The following GKN1 variants were observed in gnomAD, a reference collection of about 807,000 sequenced individuals.
GKN1 encodes the protein gastrokine-1.
GKN1 carries 17 observed loss-of-function variants against 19.7 expected under a neutral mutation model. The observed-to-expected ratio is 0.86, with a 90% confidence interval of 0.59 to 1.29. GKN1 has a LOEUF of 1.29. GKN1 is among the 50% of genes most tolerant of loss of function. The probability of loss-of-function intolerance (pLI) is 0.00; values close to 1 mark genes in which losing one functional copy is unlikely to be tolerated. For missense variants in GKN1, 218 were observed against 224.5 expected, an observed-to-expected ratio of 0.97 and a Z score of 0.19; for synonymous variants, 96 against 78.3, an observed-to-expected ratio of 1.23 and a Z score of -1.20.
chr2:68,977,944 A>G, intron 3 of GKN1, 170 bp downstream of exon 3: 2 of 604,490 alleles, frequency 3.3e-6, no homozygotes, highest in East Asian at 2.8e-5. Context: ...TTCCCTAGAG[A>G]TAACTACTGT....
intron 3 of GKN1, among the ~76,000 whole-genome samples, chr2:68,978,325 GAGAA>G (rs1364819262): frequency 3.7e-5 from 5 of 136,264 alleles, no homozygotes; most frequent in African/African-American, 1.2e-4. Context: ...AGAAAAAAGA[GAGAA>G]AGAGAGAAGG....
rs74800323 is a variant in GKN1, at chr2:68,977,926, C to T, written c.204+152C>T. The T allele has an allele frequency of 7.8e-3, 5,019 of 640,162 alleles. 227 individuals are homozygous for T. In the African/African-American group the frequency reaches 0.083, roughly 11 times the overall value. 39.7% of individuals were successfully genotyped at this position (640,162 alleles called of 1,614,324 possible). On this transcript the variant is annotated intron_variant, in intron 3 of 5. Transcript: ENST00000377938. The stretch of plus-strand genomic sequence containing the variant: ...AGTAAAGGTGACCATTTTGCTCATC[C>T]GATTTTGTTCCCTAGAGATAACTAC...
chr2:68,974,807 C>A (rs1188659444), intron 1 of GKN1, 118 bp downstream of exon 1: 11 of 721,680 alleles, frequency 1.5e-5, no homozygotes, highest in African/African-American at 8.8e-5. Flanking sequence ...TAAAAAAATT[C>A]TCTCTTCAAA....
chr2:68,978,752 C>T (rs1670315527), intron 3 of GKN1, 119 bp from the exon 4 acceptor site: 2 of 610,088 alleles, frequency 3.3e-6, no homozygotes, highest in East Asian at 5.7e-5. Flanking sequence ...ATCCAGTGCT[C>T]TTATCCCAGC....
chr2:68,974,799 A>G (rs1263201864), intron 1 of GKN1, 110 bp downstream of exon 1: 3 of 766,404 alleles, frequency 3.9e-6, no homozygotes, highest in Non-Finnish European at 7.0e-6. Flanking sequence ...ATTTGTTTTA[A>G]AAAAATTCTC....
chr2:68,978,317 AAAAAAGAG>A (rs1412425520), intron 3 of GKN1, among the ~76,000 whole-genome samples: 1 of 151,466 alleles, frequency 6.6e-6, no homozygotes, highest in Non-Finnish European at 1.5e-5. Context: ...AAAGAAAAAG[AAAAAAGAG>A]AGAAAGAGAG....
intron 3 of GKN1, 61 bp from the exon 4 acceptor site, chr2:68,978,810 C>A (rs13424275): frequency 1.1e-6 from 1 of 887,978 alleles, no homozygotes; most frequent in East Asian, 2.6e-5. Context: ...TGGAACTGAC[C>A]TCTGATAAGA....
At position 68,980,039 on chromosome 2, in the gene GKN1, T is replaced by C. The variant is rs1210887419; in HGVS notation, c.442T>C (p.Tyr148His). Residue 148 changes from tyrosine (Y) to histidine (H), a missense_variant, in exon 5 of 6, where the codon TAC (tyrosine) becomes CAC (histidine). By Grantham distance (83) the Tyr-to-His change is moderately conservative (BLOSUM62 2). Transcript: ENST00000377938. ...AAACATGTGTCGTGGGATTCCAACA[T>C]ACATGGCTGAGGAGATGCAAGGTGA... ...IANMCRGIPT[Y>H]MAEEMQEASL... The C allele has an allele frequency of 6.2e-7, 1 of 1,613,806 alleles. No homozygotes were observed. Among genetic ancestry groups the C allele is most frequent in the Non-Finnish European group, 8.5e-7 (1 of 1,179,876 alleles).
In GKN1 at chr2:68,978,963, A is replaced by G. The variant is rs750466985; in HGVS notation, c.297A>G (p.Ala99=). The stretch of plus-strand genomic sequence containing the variant: ...TGCCCTCCATTCAATCCCTTGATGC[A>G]CTGGTCAAGGAAAAGAAGGTAAAAA... ...EVMPSIQSLD[A]LVKEKKLQGK... is the part of the protein sequence containing the mutation. The change falls in exon 4 of 6, where the codon GCA becomes GCG. Residue 99 remains alanine, a synonymous_variant. Transcript: ENST00000377938. 6.4e-7 allele frequency: 1 copy of G among 1,574,106 alleles called. No homozygotes were observed. The highest frequency in any genetic ancestry group is 8.7e-7 in the Non-Finnish European group (1 of 1,143,878).
At chr2:68,975,341 G>A (rs1000217564) in intron 1 of GKN1, among the ~76,000 whole-genome samples, 2 of 152,130 alleles carry the variant, frequency 1.3e-5, no homozygotes, top group Non-Finnish European at 1.5e-5. Flanking sequence ...AGAAAGATTT[G>A]CCTTGGGCTC....
At chr2:68,977,381 T>G in intron 1 of GKN1, 114 bp from the exon 2 acceptor site, 1 of 766,760 alleles carries the variant, frequency 1.3e-6, no homozygotes, top group South Asian at 1.5e-5. Flanking sequence ...CACATTGAAC[T>G]AGAACTGAAC....
chr2:68,976,774 T>C (rs994654181), intron 1 of GKN1, among the ~76,000 whole-genome samples: 7 of 152,086 alleles, frequency 4.6e-5, no homozygotes, highest in African/African-American at 1.7e-4. Context: ...AATAGAAAAA[T>C]CATGAAGATT....
intron 5 of GKN1, 100 bp downstream of exon 5, chr2:68,980,160 TC>T: frequency 1.0e-6 from 1 of 999,804 alleles, no homozygotes; most frequent in Non-Finnish European, 1.6e-6. Flanking sequence ...GCAGGGATGG[TC>T]ATCAAGGCCA....
rs777737233 is a variant in GKN1, at chr2:68,979,951, C to T, written c.354C>T (p.Gly118=). 3.0e-5 allele frequency: 49 copies of T among 1,613,134 alleles called. No individual in the cohort carries two copies. The highest frequency in any genetic ancestry group is 4.1e-5 in the Non-Finnish European group (48 of 1,179,214). ...GACCAGGAGGACCACCTCCCAAGGG[C>T]CTGATGTACTCAGTCAACCCAAACA... ...GKGPGGPPPK[G]LMYSVNPNKV... The change falls in exon 5 of 6, where the codon GGC becomes GGT. Residue 118 remains glycine, a synonymous_variant. Transcript: ENST00000377938.
chr2:68,978,159 A>AGAT (rs1407711355), intron 3 of GKN1: 1 of 162,472 alleles, frequency 6.2e-6, no homozygotes, highest in African/African-American at 2.4e-5. Context: ...CCTTCTAAAG[A>AGAT]GATTGAAATT....
At position 68,978,271 on chromosome 2, in the gene GKN1, G is replaced by GGAAAGAAAGAAAGAAA. The variant is rs773400726; in HGVS notation, c.204+508_204+523dup. Among the ~76,000 whole-genome samples the GGAAAGAAAGAAAGAAA allele has an allele frequency of 4.4e-4, 38 of 87,268 alleles. 3 individuals carry two copies. Among genetic ancestry groups the GGAAAGAAAGAAAGAAA allele is most frequent in the African/African-American group, 2.2e-3 (34 of 15,608 alleles). The allele number at this position is 87,268 out of a possible 152,430, so 57.3% of individuals were successfully genotyped here. ...AGGAAAGAAAGAAAGAAGGAAGGAA[G>GGAAAGAAAGAAAGAAA]GAAAGAAAGAAAGAAAGAAAGAAAG... On this transcript the variant is annotated intron_variant, in intron 3 of 5. Coordinates refer to ENST00000377938, the MANE Select transcript of GKN1 (RefSeq NM_019617.4).
In GKN1 at chr2:68,974,643, C is replaced by A. The variant is rs753529833; in HGVS notation, c.-35C>A. On this transcript the variant is annotated 5_prime_UTR_variant, in exon 1 of 6. Coordinates refer to ENST00000377938, the MANE Select transcript of GKN1 (RefSeq NM_019617.4). ...GGCTTCTCATTCAGGTCCATGCTTG[C>A]CTACTCCTCTGTCCACTGCTTTCGT... 26 of 1,602,174 alleles carry A rather than the reference C, an allele frequency of 1.6e-5. No homozygotes were observed. Among genetic ancestry groups the A allele is most frequent in the Non-Finnish European group, 2.1e-5 (25 of 1,169,232 alleles).
intron 3 of GKN1, 153 bp downstream of exon 3, chr2:68,977,927 G>A (rs1192766611): frequency 1.6e-6 from 1 of 642,418 alleles, no homozygotes; most frequent in East Asian, 2.7e-5. Context: ...TTGCTCATCC[G>A]ATTTTGTTCC....
At chr2:68,978,750 CTCTTA>C (rs1670315508) in intron 3 of GKN1, 116 bp from the exon 4 acceptor site, 1 of 606,710 alleles carries the variant, frequency 1.6e-6, no homozygotes, top group East Asian at 2.8e-5. Context: ...CCATCCAGTG[CTCTTA>C]TCCCAGCTCA....
Sources: allele counts gnomAD v4.1 joint callset (sites outside exome capture counted in the v4.1 genomes callset), GRCh38; gene constraint gnomAD v4.1.1; transcripts MANE v1.5; gene names NCBI Gene and HGNC (gene_info 2026-07-23, HGNC 2026-07-21).